The following KCNIP4 variants were observed in gnomAD, a reference collection of about 807,000 sequenced individuals.
KCNIP4 encodes potassium voltage-gated channel interacting protein 4.
A neutral mutation model predicts 34.0 loss-of-function variants in KCNIP4; 12 were observed. The ratio of observed to expected loss-of-function variants is 0.35; its 90% CI spans 0.23 to 0.57. The LOEUF is 0.57. KCNIP4 is among the 20% of genes least tolerant of loss of function. The pLI is 0.83. For missense variants in KCNIP4, 238 were observed against 311.7 expected (o/e 0.76, Z 1.78); for synonymous variants, 124 against 102.2 (o/e 1.21, Z -1.29).
chr4:20,848,858 T>C (rs1720689282), intron 3 of KCNIP4, among the ~76,000 whole-genome samples: 1 of 152,218 alleles, frequency 6.6e-6, no homozygotes, highest in Non-Finnish European at 1.5e-5. Context: ...CAAAGAAGTT[T>C]AGGTGTTCAC....
Position 20,758,865 on chromosome 4 carries a change from T to C in KCNIP4, c.314A>G (p.Glu105Gly). The change falls in exon 4 of 9, where the codon GAA becomes GGA. Residue 105 changes from glutamate (E) to glycine (G), a missense_variant. Physicochemically the swap from Glu to Gly is moderately conservative, Grantham distance 98 (BLOSUM62 -2). Coordinates refer to ENST00000382152, the MANE Select transcript of KCNIP4 (RefSeq NM_025221.6). ...KNECPSGVVN[E>G]ETFKEIYSQF... The stretch of plus-strand genomic sequence containing the variant: ...CGAGTAAATCTCTTTGAAGGTTTCT[T>C]CATTAACAACACCACTGGGGCATTC... 2 of 1,613,402 alleles carry C rather than the reference T, an allele frequency of 1.2e-6. No homozygotes were observed. The highest frequency in any genetic ancestry group is 1.7e-6 in the Non-Finnish European group (2 of 1,179,476).
chr4:21,110,193 G>A (rs549030672), intron 1 of KCNIP4, among the ~76,000 whole-genome samples: 5 of 152,240 alleles, frequency 3.3e-5, no homozygotes, highest in Admixed American at 1.3e-4. Flanking sequence ...TCATTTTAAT[G>A]ATACAAAATA....
chr4:21,906,930 A>C (rs1258596899), intron 1 of KCNIP4, among the ~76,000 whole-genome samples: 2 of 152,136 alleles, frequency 1.3e-5, no homozygotes, highest in African/African-American at 4.8e-5. Context: ...TTTCTAGCTC[A>C]CTATAATATT....
chr4:21,859,633 A>G (rs1320293526), intron 1 of KCNIP4, among the ~76,000 whole-genome samples: 1 of 151,994 alleles, frequency 6.6e-6, no homozygotes, highest in African/African-American at 2.4e-5. Flanking sequence ...ATTTCAAAAA[A>G]AAAAAAGGAA....
At chr4:21,890,489 T>C (rs1459004885) in intron 1 of KCNIP4, among the ~76,000 whole-genome samples, 1 of 152,058 alleles carries the variant, frequency 6.6e-6, no homozygotes, top group Non-Finnish European at 1.5e-5. Context: ...AATTTGGTAT[T>C]CATCCAGATG....
intron 3 of KCNIP4, among the ~76,000 whole-genome samples, chr4:20,843,743 A>G (rs111647744): frequency 3.3e-5 from 5 of 152,342 alleles, no homozygotes; most frequent in African/African-American, 1.2e-4. Flanking sequence ...AAAACAAAAC[A>G]AAACAAAACA....
intron 1 of KCNIP4, among the ~76,000 whole-genome samples, chr4:21,815,934 A>C (rs1721959910): frequency 6.6e-6 from 1 of 152,180 alleles, no homozygotes; most frequent in South Asian, 2.1e-4. Context: ...TAAATTGTAG[A>C]TTAACTGTAT....
At chr4:21,272,866 T>C (rs76746239) in intron 1 of KCNIP4, among the ~76,000 whole-genome samples, 1 of 152,192 alleles carries the variant, frequency 6.6e-6, no homozygotes, top group Non-Finnish European at 1.5e-5. Context: ...TCTTTTAGGG[T>C]CAATTGTCAA....
intron 1 of KCNIP4, among the ~76,000 whole-genome samples, chr4:21,354,614 T>C (rs1387989179): frequency 6.6e-6 from 1 of 152,212 alleles, no homozygotes; most frequent in Non-Finnish European, 1.5e-5. Flanking sequence ...TAAAGATATA[T>C]GCACCCAATA....
At chr4:20,735,265 A>AT (rs1408508945) in intron 5 of KCNIP4, among the ~76,000 whole-genome samples, 1 of 152,176 alleles carries the variant, frequency 6.6e-6, no homozygotes, top group African/African-American at 2.4e-5. Context: ...CTCCAGCTAT[A>AT]TTACTGGATG....
chr4:21,205,105 A>G (rs1482351200), intron 1 of KCNIP4, among the ~76,000 whole-genome samples: 1 of 152,206 alleles, frequency 6.6e-6, no homozygotes, highest in Non-Finnish European at 1.5e-5. Flanking sequence ...ACGGAGGAAT[A>G]AGAATATGAC....
At chr4:21,348,461 G>T (rs1717683148) in intron 1 of KCNIP4, among the ~76,000 whole-genome samples, 1 of 152,174 alleles carries the variant, frequency 6.6e-6, no homozygotes, top group Non-Finnish European at 1.5e-5. Context: ...CATAGGGAAT[G>T]CAGCATTCTG....
intron 1 of KCNIP4, among the ~76,000 whole-genome samples, chr4:21,122,412 A>G (rs1286753222): frequency 1.3e-5 from 2 of 151,708 alleles, no homozygotes; most frequent in African/African-American, 4.8e-5. Flanking sequence ...TTCTCAACCA[A>G]AACAATGTAG....
At chr4:21,215,035 T>C (rs1336012942) in intron 1 of KCNIP4, among the ~76,000 whole-genome samples, 15 of 152,136 alleles carry the variant, frequency 9.9e-5, no homozygotes, top group Admixed American at 9.2e-4. Flanking sequence ...ATCTACTGAA[T>C]CGTAACAGCA....
chr4:21,199,862 TA>T (rs1577875934), intron 1 of KCNIP4, among the ~76,000 whole-genome samples: 2 of 151,158 alleles, frequency 1.3e-5, no homozygotes, highest in South Asian at 2.1e-4. Context: ...TATGCAGCCA[TA>T]AAAAAGGAGG....
intron 1 of KCNIP4, among the ~76,000 whole-genome samples, chr4:21,853,909 A>G (rs1724583486): frequency 6.6e-6 from 1 of 152,162 alleles, no homozygotes; most frequent in African/African-American, 2.4e-5. Flanking sequence ...TGGTCCTTTG[A>G]ATAGCATCTA....
chr4:21,013,078 C>A (rs1433782451), intron 1 of KCNIP4, among the ~76,000 whole-genome samples: 4 of 152,098 alleles, frequency 2.6e-5, no homozygotes, highest in Non-Finnish European at 5.9e-5. Flanking sequence ...TGCTTGAAGT[C>A]TTTTAATAAA....
intron 1 of KCNIP4, chr4:20,983,670 G>T: frequency 1.6e-6 from 1 of 637,656 alleles, no homozygotes; most frequent in Non-Finnish European, 2.7e-6. Context: ...AAAATGAACT[G>T]TCCAGCCACT....
intron 1 of KCNIP4, among the ~76,000 whole-genome samples, chr4:21,780,683 C>T (rs1339023078): frequency 6.6e-6 from 1 of 152,186 alleles, no homozygotes. Flanking sequence ...CTGAAAGATG[C>T]TTTGCTCAGA....
Sources: gnomAD v4.1 joint callset for allele counts (sites outside exome capture counted in the v4.1 genomes callset) on GRCh38, gnomAD v4.1.1 for gene constraint, MANE v1.5 for transcripts, NCBI Gene and HGNC (gene_info 2026-07-23, HGNC 2026-07-21) for gene names.